HLCS: variants seen among roughly 807,000 people sequenced by gnomAD.
HLCS encodes the protein holocarboxylase synthetase.
A neutral mutation model predicts 75.0 loss-of-function variants in HLCS; 53 were observed. That is an observed-to-expected ratio of 0.71 (90% CI 0.57 to 0.89). The LOEUF (loss-of-function observed/expected upper bound fraction) is 0.89, where lower values mean the gene tolerates loss of function less well. Among genes scored for constraint, HLCS ranks in the 40% least tolerant of loss-of-function variants. The pLI, the probability that HLCS is intolerant of heterozygous loss-of-function variation, is 0.00. For synonymous variants in HLCS, 431 were observed against 428.6 expected, an observed-to-expected ratio of 1.01 and a Z score of -0.07; for missense variants, 966 against 1,074.0, an observed-to-expected ratio of 0.90 and a Z score of 1.41.
intron 1 of HLCS, among the ~76,000 whole-genome samples, chr21:36,982,074 T>G (rs2069133568): frequency 6.6e-6 from 1 of 152,172 alleles, no homozygotes; most frequent in Non-Finnish European, 1.5e-5. Context: ...TGGTTGTTTT[T>G]TTTTTCTTGC....
intron 6 of HLCS, among the ~76,000 whole-genome samples, chr21:36,823,532 A>G (rs1053910498): frequency 3.3e-5 from 5 of 152,026 alleles, no homozygotes; most frequent in African/African-American, 9.7e-5. Context: ...TGTACTCTGC[A>G]TTCACAAATA....
rs78852976 is a variant in HLCS, at chr21:36,841,857, C to T, written c.1892+55003G>A. 6.1e-3 allele frequency among the ~76,000 whole-genome samples: 932 copies of T among 152,164 alleles called. 7 individuals are homozygous for T. Among genetic ancestry groups the T allele is most frequent in the African/African-American group, 0.021 (879 of 41,498 alleles). On this transcript the variant is annotated intron_variant, in intron 6 of 10. Coordinates refer to ENST00000674895, the MANE Select transcript of HLCS (RefSeq NM_001352514.2). ...CACGGGGACATCAAGTCAGAGAATT[C>T]GAATGTCACTCCTGAAAGTCTAATG...
chr21:36,878,648 A>G (rs1181608176), intron 6 of HLCS, among the ~76,000 whole-genome samples: 1 of 152,186 alleles, frequency 6.6e-6, no homozygotes, highest in African/African-American at 2.4e-5. Context: ...AAGAGCTGAG[A>G]CTTTAACTTA....
chr21:36,756,962 TA>T, intron 9 of HLCS: 4 of 985,142 alleles, frequency 4.1e-6, no homozygotes, highest in Non-Finnish European at 4.8e-6. Flanking sequence ...TTGTTCAAGC[TA>T]AAACCATCTC....
At chr21:36,786,423 G>A (rs2060687976) in intron 6 of HLCS, among the ~76,000 whole-genome samples, 1 of 151,982 alleles carries the variant, frequency 6.6e-6, no homozygotes, top group Non-Finnish European at 1.5e-5. Context: ...CAGACACACT[G>A]GGAACGTTCC....
rs1228049309 is a variant in HLCS at position 36,886,114 on chromosome 21, GCCA to G, written c.1892+10743_1892+10745del. ...CATACACCCTCAAAAGATGAAGACT[GCCA>G]CCATTGAGAACATTCAAAAGATAGG... On this transcript the variant is annotated intron_variant, in intron 6 of 10. Coordinates refer to ENST00000674895, the MANE Select transcript of HLCS (RefSeq NM_001352514.2). Among the ~76,000 whole-genome samples the G allele has an allele frequency of 4.0e-5, 6 of 151,144 alleles. No homozygotes were observed. In the East Asian group the frequency reaches 1.2e-3, roughly 29 times the overall value.
In HLCS at chr21:36,750,054, G is replaced by A. The variant is rs748380259; in HGVS notation, c.*4192C>T. 6.6e-6 allele frequency: 1 copy of A among 152,198 alleles called. No homozygotes were observed. The highest frequency in any genetic ancestry group is 1.5e-5 in the Non-Finnish European group (1 of 68,038). 9.4% of individuals were successfully genotyped at this position (152,198 alleles called of 1,614,324 possible). Reference sequence around the variant, plus strand: ...TTCTTACACGAGCTGGCTTCAGGACGGCCAGGGCTGAGTGTGAAGTCAGCA... The same window carrying A: ...TTCTTACACGAGCTGGCTTCAGGACAGCCAGGGCTGAGTGTGAAGTCAGCA... On this transcript the variant is annotated 3_prime_UTR_variant, in exon 11 of 11. Transcript: ENST00000674895.
chr21:36,959,153 C>T (rs2068137120), intron 2 of HLCS, among the ~76,000 whole-genome samples: 1 of 152,222 alleles, frequency 6.6e-6, no homozygotes, highest in Non-Finnish European at 1.5e-5. Context: ...GCCCCCGCTT[C>T]CCCACAGGCT....
intron 1 of HLCS, among the ~76,000 whole-genome samples, chr21:36,989,097 C>T (rs532474872): frequency 6.7e-5 from 10 of 149,980 alleles, no homozygotes; most frequent in African/African-American, 2.2e-4. Context: ...AGTGCAGAGC[C>T]GCCATCTCTG....
chr21:36,974,372 G>A (rs2068880950), intron 1 of HLCS: 1 of 152,266 alleles, frequency 6.6e-6, no homozygotes, highest in East Asian at 1.9e-4. Context: ...AGGAGGCAAG[G>A]GTGTGTCTAA....
intron 6 of HLCS, among the ~76,000 whole-genome samples, chr21:36,854,590 G>T (rs1186335432): frequency 2.0e-5 from 3 of 152,162 alleles, no homozygotes; most frequent in Non-Finnish European, 4.4e-5. Context: ...AGTACTGAGT[G>T]CACTGAGGAA....
chr21:36,916,073 A>G (rs561465525), intron 5 of HLCS, among the ~76,000 whole-genome samples: 2 of 152,350 alleles, frequency 1.3e-5, no homozygotes, highest in Admixed American at 6.5e-5. Context: ...ATCAGCTTGC[A>G]TGACAGTTTA....
At chr21:36,760,112 G>A (rs1386157967) in intron 8 of HLCS, among the ~76,000 whole-genome samples, 1 of 152,114 alleles carries the variant, frequency 6.6e-6, no homozygotes, top group Non-Finnish European at 1.5e-5. Flanking sequence ...AACCCTTTCT[G>A]AAGATGCTTA....
At chr21:36,986,291 C>T (rs567508864) in intron 1 of HLCS, among the ~76,000 whole-genome samples, 5 of 152,320 alleles carry the variant, frequency 3.3e-5, no homozygotes, top group South Asian at 2.1e-4. Context: ...AAGGCAAATA[C>T]ATTTCTGTTC....
At chr21:36,893,817 G>A (rs985938418) in intron 6 of HLCS, among the ~76,000 whole-genome samples, 1 of 152,186 alleles carries the variant, frequency 6.6e-6, no homozygotes, top group African/African-American at 2.4e-5. Context: ...GGGGGTCGGG[G>A]ATCCCTGCAC....
intron 6 of HLCS, among the ~76,000 whole-genome samples, chr21:36,858,922 G>A (rs956146372): frequency 1.3e-5 from 2 of 152,192 alleles, no homozygotes; most frequent in African/African-American, 2.4e-5. Context: ...TCTACAACAG[G>A]CTGGGAACCA....
chr21:36,921,445 AG>A (rs1271524772), intron 5 of HLCS, among the ~76,000 whole-genome samples: 8 of 152,246 alleles, frequency 5.3e-5, no homozygotes, highest in African/African-American at 1.9e-4. Flanking sequence ...TCTGTCTCAA[AG>A]AAAAAGAAAA....
chr21:36,892,152 C>T (rs140264536), intron 6 of HLCS, among the ~76,000 whole-genome samples: 1 of 152,262 alleles, frequency 6.6e-6, no homozygotes, highest in Non-Finnish European at 1.5e-5. Context: ...TTAAGGCTGG[C>T]CTATAAAAAG....
chr21:36,759,132 T>G (rs756597726), intron 9 of HLCS: 2 of 471,208 alleles, frequency 4.2e-6, no homozygotes, highest in South Asian at 3.1e-5. Flanking sequence ...TTTTGACCAT[T>G]GCTGGTTTCT....
Sources: allele counts gnomAD v4.1 joint callset (sites outside exome capture counted in the v4.1 genomes callset), GRCh38; gene constraint gnomAD v4.1.1; transcripts MANE v1.5; gene names NCBI Gene and HGNC (gene_info 2026-07-23, HGNC 2026-07-21).